C12orf42: variants seen among roughly 807,000 people sequenced by gnomAD.
The protein encoded by C12orf42 is chromosome 12 open reading frame 42.
C12orf42 carries 25 observed loss-of-function variants against 21.6 expected under a neutral mutation model. The observed-to-expected ratio is 1.16, with a 90% CI of 0.84 to 1.62. The LOEUF (loss-of-function observed/expected upper bound fraction) is 1.62. Among genes scored for constraint, C12orf42 ranks in the 40% most tolerant of loss-of-function variants. C12orf42 has a pLI of 0.00. For synonymous variants in C12orf42, 174 were observed against 175.0 expected (o/e 0.99, Z 0.05); for missense variants, 483 against 459.3 (o/e 1.05, Z -0.47).
intron 2 of C12orf42, among the ~76,000 whole-genome samples, chr12:103,402,222 C>T (rs544925451): frequency 6.6e-6 from 1 of 152,136 alleles, no homozygotes; most frequent in Non-Finnish European, 1.5e-5. Flanking sequence ...AACAAATCTA[C>T]AATACGTGCA....
chr12:103,076,928 T>A, the C12orf42 span, among the ~76,000 whole-genome samples: 172 of 152,296 alleles, frequency 1.1e-3, no homozygotes, highest in Non-Finnish European at 2.2e-3. Flanking sequence ...TTCAAAACCA[T>A]GCAGTTTGAA....
At chr12:103,282,180 C>T (rs923034393) in intron 4 of C12orf42, among the ~76,000 whole-genome samples, 2 of 152,054 alleles carry the variant, frequency 1.3e-5, no homozygotes, top group African/African-American at 2.4e-5. Flanking sequence ...TAAATTGGTG[C>T]CTGCATTAAA....
intron 2 of C12orf42, among the ~76,000 whole-genome samples, chr12:103,403,050 G>A (rs931351824): frequency 6.6e-6 from 1 of 152,058 alleles, no homozygotes; most frequent in African/African-American, 2.4e-5. Flanking sequence ...ACTCTGCGCT[G>A]GGCACATGGT....
intron 2 of C12orf42, among the ~76,000 whole-genome samples, chr12:103,411,184 T>C (rs1204068532): frequency 1.3e-5 from 2 of 152,208 alleles, no homozygotes; most frequent in Non-Finnish European, 2.9e-5. Flanking sequence ...ATCAAGCTAA[T>C]ATGCAGCTAA....
At chr12:103,369,322 A>G (rs1202186407) in intron 3 of C12orf42, among the ~76,000 whole-genome samples, 2 of 151,580 alleles carry the variant, frequency 1.3e-5, no homozygotes, top group Non-Finnish European at 2.9e-5. Context: ...TGCCCTCACA[A>G]AATTGACATA....
chr12:103,265,283 A>T (rs887069275), downstream of C12orf42, among the ~76,000 whole-genome samples: 1 of 152,138 alleles, frequency 6.6e-6, no homozygotes, highest in African/African-American at 2.4e-5. Flanking sequence ...AACACATTAC[A>T]TGCAGTTCTT....
At chr12:103,184,356 T>C in the C12orf42 span, among the ~76,000 whole-genome samples, 1 of 152,228 alleles carries the variant, frequency 6.6e-6, no homozygotes, top group African/African-American at 2.4e-5. Context: ...GGTGTTAATA[T>C]AGTAAATTAG....
At position 103,456,693 on chromosome 12, in the gene C12orf42, C is replaced by T. The variant is rs545796572; in HGVS notation, c.78+21656G>A. The stretch of plus-strand genomic sequence containing the variant: ...CTGTATATGTGGTACTGTCTATATA[C>T]TTCCATGAAAATCAACTATTGCTTA... On this transcript the variant is annotated intron_variant, in intron 2 of 5. Transcript: ENST00000548883. Among the ~76,000 whole-genome samples, 121 of 152,238 alleles carry T rather than the reference C, an allele frequency of 7.9e-4. 1 individual carries two copies. Among genetic ancestry groups the T allele is most frequent in the Middle Eastern group, 3.4e-3 (1 of 294 alleles).
the C12orf42 span, among the ~76,000 whole-genome samples, chr12:103,158,704 C>A: frequency 3.3e-4 from 50 of 152,096 alleles, 1 homozygote; most frequent in African/African-American, 8.9e-4. Flanking sequence ...CATGGTGAAA[C>A]CCCGTCTCTA....
At chr12:103,563,624 C>T in the C12orf42 span, among the ~76,000 whole-genome samples, 3 of 152,196 alleles carry the variant, frequency 2.0e-5, no homozygotes, top group African/African-American at 7.2e-5. Flanking sequence ...CTAGCTTCAG[C>T]TGAGACTATT....
chr12:103,215,945 A>G, the C12orf42 span, among the ~76,000 whole-genome samples: 3 of 152,258 alleles, frequency 2.0e-5, no homozygotes, highest in Non-Finnish European at 4.4e-5. Context: ...CGGAGAGGAG[A>G]AAATAGAGTT....
chr12:103,248,100 G>A (rs1484719856), intron 10 of C12orf42, among the ~76,000 whole-genome samples: 1 of 151,972 alleles, frequency 6.6e-6, no homozygotes, highest in Non-Finnish European at 1.5e-5. Flanking sequence ...TCACTGTGGT[G>A]CACTTCTTTT....
chr12:103,394,616 GCA>G (rs2047358161), intron 3 of C12orf42, among the ~76,000 whole-genome samples: 1 of 152,160 alleles, frequency 6.6e-6, no homozygotes, highest in Admixed American at 6.5e-5. Flanking sequence ...TTTTCAGAAA[GCA>G]ATTTTTTTCC....
intron 1 of C12orf42, among the ~76,000 whole-genome samples, chr12:103,487,721 G>T (rs557337218): frequency 4.1e-4 from 63 of 152,180 alleles, no homozygotes; most frequent in African/African-American, 1.4e-3. Context: ...GGCCTTCTTT[G>T]TCTCTTTTGA....
At chr12:103,180,779 C>T in the C12orf42 span, among the ~76,000 whole-genome samples, 1 of 151,114 alleles carries the variant, frequency 6.6e-6, no homozygotes, top group Non-Finnish European at 1.5e-5. Context: ...CAGGCATGTG[C>T]CACCACACCC....
downstream of C12orf42, among the ~76,000 whole-genome samples, chr12:103,234,938 T>G (rs555007758): frequency 3.3e-5 from 5 of 152,250 alleles, no homozygotes; most frequent in South Asian, 1.0e-3. Flanking sequence ...ATTTTTGTAG[T>G]CCCAACATTA....
chr12:103,244,462 T>A (rs2033914679), intron 10 of C12orf42, among the ~76,000 whole-genome samples: 1 of 151,704 alleles, frequency 6.6e-6, no homozygotes, highest in Non-Finnish European at 1.5e-5. Flanking sequence ...TCTTCCCCCA[T>A]GTTCAGCCTG....
At chr12:103,127,171 AG>A in the C12orf42 span, among the ~76,000 whole-genome samples, 1 of 152,234 alleles carries the variant, frequency 6.6e-6, no homozygotes, top group Non-Finnish European at 1.5e-5. Flanking sequence ...AAATCTACAA[AG>A]GTCATCAGCC....
At chr12:103,088,348 AG>A in the C12orf42 span, among the ~76,000 whole-genome samples, 2 of 152,252 alleles carry the variant, frequency 1.3e-5, no homozygotes, top group African/African-American at 4.8e-5. Flanking sequence ...AATAAGAAAT[AG>A]GGGACTTCTA....
Sources: gnomAD v4.1 joint callset for allele counts (sites outside exome capture counted in the v4.1 genomes callset) on GRCh38, gnomAD v4.1.1 for gene constraint, MANE v1.5 for transcripts, NCBI Gene and HGNC (gene_info 2026-07-23, HGNC 2026-07-21) for gene names.